RAB23: variants seen among roughly 807,000 people sequenced by gnomAD.
The protein encoded by RAB23 is RAB23, member RAS oncogene family.
Under a neutral mutation model 30.0 loss-of-function variants are expected in RAB23, and 15 were observed. The ratio of observed to expected loss-of-function variants is 0.50; its 90% CI spans 0.33 to 0.77. The LOEUF (loss-of-function observed/expected upper bound fraction) is 0.77. Ranked by LOEUF, RAB23 falls within the 30% of genes least tolerant of loss-of-function variation. The pLI is 0.02. For synonymous variants in RAB23, 93 were observed against 94.0 expected (o/e 0.99, Z 0.06); for missense variants, 243 against 275.4 (o/e 0.88, Z 0.83).
intron 3 of RAB23, among the ~76,000 whole-genome samples, chr6:57,197,852 C>T (rs1765082859): frequency 6.6e-6 from 1 of 152,212 alleles, no homozygotes; most frequent in Non-Finnish European, 1.5e-5. Flanking sequence ...AATCCTCCCA[C>T]CTCAGCCTCC....
chr6:57,210,209 A>G lies in RAB23; in HGVS notation c.155+17T>C, dbSNP rs1250287499. The G allele has an allele frequency of 6.2e-7, 1 of 1,611,278 alleles. No individual in the cohort carries two copies. Among genetic ancestry groups the G allele is most frequent in the Non-Finnish European group, 8.5e-7 (1 of 1,177,540 alleles). ...TCACAAATCAAAGCCAAAGGAATAA[A>G]ATGGCCAAGTACTTACTGAATTTGT... On this transcript the variant is annotated intron_variant, in intron 2 of 6. Coordinates refer to ENST00000468148, the MANE Select transcript of RAB23 (RefSeq NM_016277.5).
chr6:57,203,495 G>C (rs1765345101), intron 3 of RAB23, among the ~76,000 whole-genome samples: 1 of 152,128 alleles, frequency 6.6e-6, no homozygotes, highest in African/African-American at 2.4e-5. Flanking sequence ...AAGTTCACTA[G>C]ATAAAAATAA....
Position 57,206,302 on chromosome 6 carries a change from A to C in RAB23, c.241+1326T>G, listed in dbSNP as rs1765454389. ...AAAGTGGTAGGGTCAATGAACAGAG[A>C]AGCTCTCGATGGTTTCAAGACAGCG... On this transcript the variant is annotated intron_variant, in intron 3 of 6. Coordinates refer to ENST00000468148, the MANE Select transcript of RAB23 (RefSeq NM_016277.5). 2.0e-5 allele frequency among the ~76,000 whole-genome samples: 3 copies of C among 152,144 alleles called. No homozygotes were observed. The South Asian group carries it at 6.2e-4, about 32-fold the overall frequency.
intron 3 of RAB23, among the ~76,000 whole-genome samples, chr6:57,197,995 C>T (rs1439144983): frequency 2.0e-5 from 3 of 152,038 alleles, no homozygotes; most frequent in Non-Finnish European, 4.4e-5. Flanking sequence ...AGGCTGGTCT[C>T]AAACTCCTGG....
chr6:57,197,916 G>GT (rs748762055), intron 3 of RAB23, among the ~76,000 whole-genome samples: 23 of 151,990 alleles, frequency 1.5e-4, no homozygotes, highest in South Asian at 4.2e-4. Context: ...CTAATTCTTT[G>GT]TTTTTTTGTT....
rs1240251609 is a variant in RAB23, at chr6:57,217,834, T to TAA, written c.-66+3890_-66+3891dup. Reference sequence around the variant, plus strand: ...TTTTTGAGAAGATCAATAAATTTAATAAAACTTTAGTGAGACTAACACAAA... The same window carrying TAA: ...TTTTTGAGAAGATCAATAAATTTAATAAAAAACTTTAGTGAGACTAACACAAA... On this transcript the variant is annotated intron_variant, in intron 1 of 6. Transcript: ENST00000468148. Among the ~76,000 whole-genome samples the TAA allele has an allele frequency of 2.0e-5, 3 of 152,036 alleles. No individual in the cohort carries two copies. In the East Asian group the frequency reaches 5.8e-4, roughly 29 times the overall value.
At chr6:57,220,821 T>A (rs1332504889) in intron 1 of RAB23, among the ~76,000 whole-genome samples, 1 of 152,080 alleles carries the variant, frequency 6.6e-6, no homozygotes. Flanking sequence ...TTCGCAGAAC[T>A]GTACATCGAA....
intron 1 of RAB23, among the ~76,000 whole-genome samples, chr6:57,215,061 G>A (rs535569167): frequency 6.6e-6 from 1 of 152,196 alleles, no homozygotes; most frequent in Admixed American, 6.5e-5. Context: ...TATGTTCAAC[G>A]GCAGAATAGA....
chr6:57,191,347 T>C (rs929731274), intron 6 of RAB23, among the ~76,000 whole-genome samples: 1 of 152,246 alleles, frequency 6.6e-6, no homozygotes, highest in Non-Finnish European at 1.5e-5. Flanking sequence ...AATGCATATA[T>C]ATTCTCTTTT....
intron 3 of RAB23, among the ~76,000 whole-genome samples, chr6:57,199,325 G>T (rs1765148405): frequency 6.6e-6 from 1 of 152,216 alleles, no homozygotes; most frequent in Non-Finnish European, 1.5e-5. Context: ...GTTCCTCAGG[G>T]AGACTGAGCC....
chr6:57,217,099 G>A (rs768306387), intron 1 of RAB23, among the ~76,000 whole-genome samples: 8 of 150,566 alleles, frequency 5.3e-5, no homozygotes, highest in African/African-American at 2.0e-4. Context: ...GATCACAATG[G>A]AATCAAACTA....
In RAB23 at chr6:57,196,379, C is replaced by T. The variant is rs938020234; in HGVS notation, c.398+71G>A. The T allele has an allele frequency of 6.4e-6, 10 of 1,572,814 alleles. No individual in the cohort carries two copies. In the African/African-American group the frequency reaches 6.7e-5, roughly 11 times the overall value. On this transcript the variant is annotated intron_variant, in intron 4 of 6. Transcript: ENST00000468148. ...AGAATTTTTCCTAGAACCTGTAAAACTATGCAAAAATTAAGATGTCTTAAC... is the reference window on the plus strand; with the variant it reads ...AGAATTTTTCCTAGAACCTGTAAAATTATGCAAAAATTAAGATGTCTTAAC...
intron 1 of RAB23, among the ~76,000 whole-genome samples, chr6:57,214,666 G>C (rs934522668): frequency 6.6e-6 from 1 of 152,140 alleles, no homozygotes. Context: ...TGGTAGTAAA[G>C]AGGTAGTGCC....
intron 3 of RAB23, among the ~76,000 whole-genome samples, chr6:57,201,084 C>CTTTTTTTTT (rs201367113): frequency 7.3e-6 from 1 of 136,906 alleles, no homozygotes. Flanking sequence ...TTTTCTCTCT[C>CTTTTTTTTT]TCTTTTTTTT....
At position 57,220,023 on chromosome 6, in the gene RAB23, A is replaced by G. The variant is rs576148700; in HGVS notation, c.-66+1703T>C. Among the ~76,000 whole-genome samples the G allele has an allele frequency of 5.9e-5, 9 of 152,372 alleles. No homozygotes were observed. In the South Asian group the frequency reaches 1.4e-3, roughly 25 times the overall value. On this transcript the variant is annotated intron_variant, in intron 1 of 6. Coordinates refer to ENST00000468148, the MANE Select transcript of RAB23 (RefSeq NM_016277.5). ...AATACCTGAAAAACACGTATCTAAC[A>G]TATAATTTGTATCCAAAACATATAA...
At chr6:57,191,964 C>A (rs1053403845) in intron 6 of RAB23, among the ~76,000 whole-genome samples, 2 of 152,080 alleles carry the variant, frequency 1.3e-5, no homozygotes, top group Non-Finnish European at 2.9e-5. Flanking sequence ...CTGCCTCAGC[C>A]TCCTGAGTAA....
At chr6:57,196,394 G>A in intron 4 of RAB23, 56 bp downstream of exon 4, 1 of 1,598,340 alleles carries the variant, frequency 6.3e-7, no homozygotes, top group Admixed American at 1.7e-5. Context: ...CAAAAATTAA[G>A]ATGTCTTAAC....
intron 1 of RAB23, among the ~76,000 whole-genome samples, chr6:57,218,730 T>A (rs1399871105): frequency 1.3e-5 from 2 of 151,932 alleles, no homozygotes; most frequent in African/African-American, 4.8e-5. Flanking sequence ...TGCTCGCCTG[T>A]AATCCCAGCT....
chr6:57,218,559 A>T (rs1765932434), intron 1 of RAB23, among the ~76,000 whole-genome samples: 1 of 152,152 alleles, frequency 6.6e-6, no homozygotes, highest in Non-Finnish European at 1.5e-5. Flanking sequence ...ACCTGGTAAA[A>T]GGCATCTATA....
Sources: allele counts gnomAD v4.1 joint callset (sites outside exome capture counted in the v4.1 genomes callset), GRCh38; gene constraint gnomAD v4.1.1; transcripts MANE v1.5; gene names NCBI Gene and HGNC (gene_info 2026-07-23, HGNC 2026-07-21).